Variants in RBFOX1 observed in about 807,000 individuals in gnomAD.
RBFOX1 encodes the protein RNA binding fox-1 homolog 1, also known as RNA binding protein fox-1 homolog 1.
RBFOX1 carries 8 observed loss-of-function variants against 57.7 expected under a neutral mutation model. The observed-to-expected ratio is 0.14, with a 90% CI of 0.08 to 0.25. The LOEUF (loss-of-function observed/expected upper bound fraction) is 0.25, where lower values mean the gene tolerates loss of function less well. Among genes scored for constraint, RBFOX1 ranks in the 10% least tolerant of loss-of-function variants. The pLI, the probability that RBFOX1 is intolerant of heterozygous loss-of-function variation, is 1.00. For missense variants in RBFOX1, 611 were observed against 548.5 expected, an observed-to-expected ratio of 1.11 and a Z score of -1.14; for synonymous variants, 326 against 222.4, an observed-to-expected ratio of 1.47 and a Z score of -4.15.
intron 4 of RBFOX1, among the ~76,000 whole-genome samples, chr16:5,991,874 G>C (rs2060406178): frequency 6.6e-6 from 1 of 152,008 alleles, no homozygotes; most frequent in Non-Finnish European, 1.5e-5. Context: ...TGATGCTCTA[G>C]CACCTGAGCA....
chr16:5,918,097 C>G (rs920557085), intron 4 of RBFOX1, among the ~76,000 whole-genome samples: 88 of 152,266 alleles, frequency 5.8e-4, no homozygotes, highest in African/African-American at 1.9e-3. Context: ...GTTCTCTTAA[C>G]ACAACTGCAG....
At chr16:6,707,762 T>C (rs932084473) in intron 3 of RBFOX1, among the ~76,000 whole-genome samples, 1 of 152,176 alleles carries the variant, frequency 6.6e-6, no homozygotes, top group Non-Finnish European at 1.5e-5. Context: ...TTAGTAGCCG[T>C]GTAGGAGACC....
intron 3 of RBFOX1, among the ~76,000 whole-genome samples, chr16:5,860,332 C>T (rs1195646132): frequency 6.6e-6 from 1 of 152,198 alleles, no homozygotes; most frequent in African/African-American, 2.4e-5. Flanking sequence ...GCCTCCACCT[C>T]CCAAAGTGCT....
At chr16:5,696,698 A>G (rs1229477721) in intron 3 of RBFOX1, among the ~76,000 whole-genome samples, 3 of 152,360 alleles carry the variant, frequency 2.0e-5, no homozygotes, top group Non-Finnish European at 4.4e-5. Flanking sequence ...ATGGAATTCA[A>G]ATACTTGAGG....
intron 1 of RBFOX1, among the ~76,000 whole-genome samples, chr16:6,101,146 G>A (rs2096302511): frequency 6.6e-6 from 1 of 152,138 alleles, no homozygotes; most frequent in African/African-American, 2.4e-5. Flanking sequence ...TTCTGAGAAA[G>A]GCTGTTACAA....
At chr16:7,205,483 A>C (rs543120945) in intron 4 of RBFOX1, among the ~76,000 whole-genome samples, 2 of 151,386 alleles carry the variant, frequency 1.3e-5, no homozygotes, top group South Asian at 4.2e-4. Context: ...ATTGCACTCC[A>C]GCCTGGGTGA....
intron 2 of RBFOX1, among the ~76,000 whole-genome samples, chr16:6,467,150 T>C (rs1000952542): frequency 6.6e-6 from 1 of 151,060 alleles, no homozygotes; most frequent in Non-Finnish European, 1.5e-5. Context: ...TAAAGTTTAC[T>C]TAATATATTA....
At chr16:5,319,987 G>A (rs1209806033) in intron 1 of RBFOX1, among the ~76,000 whole-genome samples, 5 of 152,224 alleles carry the variant, frequency 3.3e-5, no homozygotes, top group African/African-American at 1.2e-4. Context: ...CCCGGGTGCA[G>A]TCACATGGCC....
intron 1 of RBFOX1, among the ~76,000 whole-genome samples, chr16:6,095,356 G>A (rs1016469909): frequency 1.3e-5 from 2 of 152,310 alleles, no homozygotes; most frequent in Admixed American, 1.3e-4. Flanking sequence ...TCTAAGAGTA[G>A]GAGCTCATGA....
Position 6,947,815 on chromosome 16 carries a change from C to T in RBFOX1, c.-15-104242C>T, listed in dbSNP as rs142696323. On this transcript the variant is annotated intron_variant, in intron 3 of 15. Transcript: ENST00000550418. ...TTTTGGAGATGGAGTCTTGCTCTGTCGCTCAAGCTGCAGTGCAGTCGTGCA... is the reference window on the plus strand; with the variant it reads ...TTTTGGAGATGGAGTCTTGCTCTGTTGCTCAAGCTGCAGTGCAGTCGTGCA... 4.5e-4 allele frequency among the ~76,000 whole-genome samples: 68 copies of T among 152,214 alleles called. 2 individuals are homozygous for T. In the South Asian group the frequency reaches 5.4e-3, roughly 12 times the overall value.
chr16:6,901,034 G>A (rs1273154573), intron 3 of RBFOX1, among the ~76,000 whole-genome samples: 2 of 152,184 alleles, frequency 1.3e-5, no homozygotes, highest in African/African-American at 2.4e-5. Flanking sequence ...CCGACATTAT[G>A]TATACCGGGT....
intron 3 of RBFOX1, among the ~76,000 whole-genome samples, chr16:6,781,162 A>G (rs2080953803): frequency 6.6e-6 from 1 of 152,018 alleles, no homozygotes; most frequent in Admixed American, 6.6e-5. Context: ...TTTTGATTTG[A>G]TTTTTGTAGA....
chr16:6,838,453 C>T (rs533185645), intron 3 of RBFOX1, among the ~76,000 whole-genome samples: 1 of 152,070 alleles, frequency 6.6e-6, no homozygotes, highest in Admixed American at 6.6e-5. Context: ...GTTGACTAGC[C>T]CTTTTCTAGA....
At chr16:5,769,070 C>G (rs922730488) in intron 3 of RBFOX1, among the ~76,000 whole-genome samples, 1 of 147,884 alleles carries the variant, frequency 6.8e-6, no homozygotes, top group Non-Finnish European at 1.5e-5. Flanking sequence ...ACCAACAGGT[C>G]AAAAAGAAAA....
At chr16:5,273,178 G>T (rs933343411) in intron 1 of RBFOX1, among the ~76,000 whole-genome samples, 7 of 151,806 alleles carry the variant, frequency 4.6e-5, no homozygotes, top group Non-Finnish European at 5.9e-5. Context: ...CCCAAACTTG[G>T]GCTGGTGCCT....
At chr16:5,818,261 G>C (rs1292385002) in intron 3 of RBFOX1, among the ~76,000 whole-genome samples, 1 of 152,128 alleles carries the variant, frequency 6.6e-6, no homozygotes, top group East Asian at 1.9e-4. Context: ...TTTTGCATAT[G>C]AGGCAATGGA....
chr16:6,709,987 T>A (rs1323704561), intron 3 of RBFOX1, among the ~76,000 whole-genome samples: 3 of 152,078 alleles, frequency 2.0e-5, no homozygotes, highest in Non-Finnish European at 4.4e-5. Flanking sequence ...CTGTGCTCAA[T>A]GTGAAATGAG....
At chr16:5,980,129 C>G (rs2060142857) in intron 4 of RBFOX1, among the ~76,000 whole-genome samples, 1 of 152,234 alleles carries the variant, frequency 6.6e-6, no homozygotes, top group Non-Finnish European at 1.5e-5. Flanking sequence ...AGGCAGGAAA[C>G]TGCAATCTTA....
intron 7 of RBFOX1, among the ~76,000 whole-genome samples, chr16:7,587,777 G>A (rs2094206689): frequency 6.6e-6 from 1 of 152,128 alleles, no homozygotes; most frequent in African/African-American, 2.4e-5. Flanking sequence ...TTAGCAATTT[G>A]CCATTGCTTT....
Sources: allele counts gnomAD v4.1 joint callset (sites outside exome capture counted in the v4.1 genomes callset), GRCh38; gene constraint gnomAD v4.1.1; transcripts MANE v1.5; gene names NCBI Gene and HGNC (gene_info 2026-07-23, HGNC 2026-07-21).